Variants in RBPMS observed in about 807,000 individuals in gnomAD.
RBPMS encodes the protein RNA-binding protein with multiple splicing.
In RBPMS, 7 loss-of-function variants were observed where a neutral mutation model predicts 26.8. The ratio of observed to expected loss-of-function variants is 0.26; its 90% CI spans 0.15 to 0.49. RBPMS has a LOEUF of 0.49. Ranked by LOEUF, RBPMS falls within the 20% of genes least tolerant of loss-of-function variation. The pLI is 0.98. For synonymous variants in RBPMS, 96 were observed against 93.3 expected (o/e 1.03, Z -0.17); for missense variants, 186 against 250.0 (o/e 0.74, Z 1.73).
chr8:30,549,745 T>TCTTTGCTTTTCTTTC (rs1554543778), intron 6 of RBPMS, among the ~76,000 whole-genome samples: 2 of 135,992 alleles, frequency 1.5e-5, no homozygotes, highest in Non-Finnish European at 3.1e-5. Context: ...TTTCTTTCTT[T>TCTTTGCTTTTCTTTC]CTTTCCTTTT....
At chr8:30,468,021 A>C (rs565798575) in intron 1 of RBPMS, among the ~76,000 whole-genome samples, 1 of 152,260 alleles carries the variant, frequency 6.6e-6, no homozygotes, top group African/African-American at 2.4e-5. Context: ...TAACTTATAA[A>C]AACCCTAAGA....
At chr8:30,496,393 C>T (rs1455822621) in intron 4 of RBPMS, among the ~76,000 whole-genome samples, 3 of 152,146 alleles carry the variant, frequency 2.0e-5, no homozygotes, top group Non-Finnish European at 2.9e-5. Flanking sequence ...TGGTCTCGAT[C>T]TCCCAACCTC....
At chr8:30,532,418 C>G (rs1014038293) in intron 5 of RBPMS, among the ~76,000 whole-genome samples, 4 of 152,176 alleles carry the variant, frequency 2.6e-5, no homozygotes, top group African/African-American at 9.7e-5. Flanking sequence ...ACTAATGTTA[C>G]TGTTGTTTGA....
chr8:30,481,360 G>A (rs972672395), intron 4 of RBPMS, among the ~76,000 whole-genome samples: 1 of 152,118 alleles, frequency 6.6e-6, no homozygotes, highest in Non-Finnish European at 1.5e-5. Flanking sequence ...TGAGTACAGC[G>A]AACATAATTT....
chr8:30,544,816 A>G (rs1017241273), intron 6 of RBPMS, 192 bp downstream of exon 6: 1 of 1,548,846 alleles, frequency 6.5e-7, no homozygotes, highest in Non-Finnish European at 8.7e-7. Context: ...CAATGATATC[A>G]CCCACTGCCT....
chr8:30,412,049 A>G (rs528341738), intron 1 of RBPMS, among the ~76,000 whole-genome samples: 58 of 152,070 alleles, frequency 3.8e-4, no homozygotes, highest in African/African-American at 1.3e-3. Flanking sequence ...TTTCTGTCCC[A>G]TAGTAGGCAA....
intron 4 of RBPMS, among the ~76,000 whole-genome samples, chr8:30,488,193 G>A (rs1819000857): frequency 6.6e-6 from 1 of 152,062 alleles, no homozygotes; most frequent in Admixed American, 6.6e-5. Flanking sequence ...AGTTAAATTT[G>A]TAAACACAGG....
rs922643691 is a variant in RBPMS at position 30,416,958 on chromosome 8, C to T, written c.66+31800C>T. 5.3e-5 allele frequency among the ~76,000 whole-genome samples: 8 copies of T among 152,072 alleles called. No individual in the cohort carries two copies. In the South Asian group the frequency reaches 6.2e-4, roughly 12 times the overall value. Reference sequence around the variant, plus strand: ...CTAATTTGTGTATTTTTAGTAGAGACGGGGTTTTGCCATGTTGGCTAGGTG... The same window carrying T: ...CTAATTTGTGTATTTTTAGTAGAGATGGGGTTTTGCCATGTTGGCTAGGTG... On this transcript the variant is annotated intron_variant, in intron 1 of 8. Transcript: ENST00000397323.
At chr8:30,497,520 CG>C (rs1226229996) in intron 4 of RBPMS, among the ~76,000 whole-genome samples, 1 of 152,102 alleles carries the variant, frequency 6.6e-6, no homozygotes, top group African/African-American at 2.4e-5. Context: ...CACTCCAGCC[CG>C]GGTGACAGAG....
chr8:30,484,384 C>T (rs1013883214), intron 4 of RBPMS, among the ~76,000 whole-genome samples: 4 of 152,090 alleles, frequency 2.6e-5, no homozygotes, highest in Non-Finnish European at 4.4e-5. Flanking sequence ...AATGGAACTG[C>T]GTTTGTTTTA....
rs191759356 is a variant in RBPMS, at chr8:30,467,817, C to T, written c.67-6962C>T. Among the ~76,000 whole-genome samples, 299 of 152,178 alleles carry T rather than the reference C, an allele frequency of 2.0e-3. 2 individuals are homozygous for T. The highest frequency in any genetic ancestry group is 6.9e-3 in the African/African-American group (285 of 41,530). On this transcript the variant is annotated intron_variant, in intron 1 of 8. Transcript: ENST00000397323. ...GACATGCTGAGTTTGTATTTTCAAA[C>T]GAAGGAAATACATTTGGGCTTGGAT...
chr8:30,521,798 G>A (rs1166445874), intron 5 of RBPMS, among the ~76,000 whole-genome samples: 1 of 151,768 alleles, frequency 6.6e-6, no homozygotes, highest in African/African-American at 2.4e-5. Flanking sequence ...CTTGTCTTTT[G>A]TAAATAATGT....
intron 3 of RBPMS, among the ~76,000 whole-genome samples, chr8:30,478,638 T>C (rs1817956819): frequency 6.6e-6 from 1 of 152,128 alleles, no homozygotes; most frequent in Admixed American, 6.5e-5. Context: ...TAGCTGGGAC[T>C]ACAGGCGCAT....
intron 5 of RBPMS, chr8:30,537,516 G>T (rs1157296867): frequency 1.8e-5 from 8 of 455,842 alleles, no homozygotes; most frequent in East Asian, 1.4e-4. Context: ...TAGAAGTAGG[G>T]ATGGGAATGA....
chr8:30,543,137 T>C (rs544631530), intron 5 of RBPMS, among the ~76,000 whole-genome samples: 1 of 152,290 alleles, frequency 6.6e-6, no homozygotes, highest in African/African-American at 2.4e-5. Context: ...GGTCCCATCA[T>C]ATCTGAAAAT....
At chr8:30,436,622 A>G (rs1812476122) in intron 1 of RBPMS, among the ~76,000 whole-genome samples, 1 of 152,186 alleles carries the variant, frequency 6.6e-6, no homozygotes, top group Non-Finnish European at 1.5e-5. Flanking sequence ...TCCTGTATCT[A>G]ACACTAATAC....
At chr8:30,523,972 T>C (rs1325569257) in intron 5 of RBPMS, among the ~76,000 whole-genome samples, 1 of 152,200 alleles carries the variant, frequency 6.6e-6, no homozygotes, top group Non-Finnish European at 1.5e-5. Context: ...GAATCAACAT[T>C]CAATATGTTC....
intron 1 of RBPMS, among the ~76,000 whole-genome samples, chr8:30,421,736 C>T: frequency 6.6e-6 from 1 of 152,000 alleles, no homozygotes; most frequent in East Asian, 1.9e-4. Flanking sequence ...GCAGGTGGAT[C>T]ACAAGGTCAA....
At chr8:30,408,304 G>A (rs893390696) in intron 1 of RBPMS, among the ~76,000 whole-genome samples, 5 of 152,144 alleles carry the variant, frequency 3.3e-5, no homozygotes, top group Admixed American at 6.5e-5. Context: ...TGAGGCAGGC[G>A]GATCACCTGA....
Sources: allele counts gnomAD v4.1 joint callset (sites outside exome capture counted in the v4.1 genomes callset), GRCh38; gene constraint gnomAD v4.1.1; transcripts MANE v1.5; gene names NCBI Gene and HGNC (gene_info 2026-07-23, HGNC 2026-07-21).